The following LRP8 variants were observed in gnomAD, a reference collection of about 807,000 sequenced individuals.
LRP8 encodes low-density lipoprotein receptor-related protein 8.
In LRP8, 46 loss-of-function variants were observed where a neutral mutation model predicts 111.6. The ratio of observed to expected loss-of-function variants is 0.41; its 90% CI spans 0.33 to 0.53. The LOEUF (loss-of-function observed/expected upper bound fraction) is 0.53. LRP8 is among the 20% of genes least tolerant of loss of function. The pLI is 0.20. For missense variants in LRP8, 959 were observed against 1,297.4 expected (o/e 0.74, Z 4.01); for synonymous variants, 464 against 511.2 (o/e 0.91, Z 1.24).
intron 2 of LRP8, among the ~76,000 whole-genome samples, chr1:53,299,995 C>T (rs929930555): frequency 1.2e-4 from 19 of 152,248 alleles, no homozygotes. Flanking sequence ...TCCTGTGGCT[C>T]CAGGGGCTAC....
intron 16 of LRP8, among the ~76,000 whole-genome samples, chr1:53,253,264 T>C (rs2100347385): frequency 6.6e-6 from 1 of 152,312 alleles, no homozygotes; most frequent in South Asian, 2.1e-4. Flanking sequence ...AATCTGATAC[T>C]TAAAAGTTTC....
Position 53,258,508 on chromosome 1 carries a change from G to A in LRP8, c.2057-37C>T, listed in dbSNP as rs547939306. The A allele has an allele frequency of 7.1e-5, 114 of 1,600,374 alleles. No individual in the cohort carries two copies. The South Asian group carries it at 1.1e-3, about 15-fold the overall frequency. On this transcript the variant is annotated intron_variant, in intron 13 of 18. Transcript: ENST00000306052. The stretch of plus-strand genomic sequence containing the variant: ...GAGGGAGACAGCTGGGGCACAGACA[G>A]GACATGCCAGGTCTTCCTGCCTCCT...
chr1:53,316,748 G>C (rs1204381111), intron 2 of LRP8, among the ~76,000 whole-genome samples: 1 of 152,258 alleles, frequency 6.6e-6, no homozygotes, highest in Admixed American at 6.5e-5. Context: ...CTGCCAAATG[G>C]CCACTCGGCA....
chr1:53,289,117 C>T (rs750493693), intron 3 of LRP8, among the ~76,000 whole-genome samples: 2 of 152,226 alleles, frequency 1.3e-5, no homozygotes, highest in African/African-American at 2.4e-5. Context: ...TTCTCCGTTA[C>T]AAAACTCAGA....
At chr1:53,308,129 G>A (rs1178860693) in intron 2 of LRP8, among the ~76,000 whole-genome samples, 1 of 152,230 alleles carries the variant, frequency 6.6e-6, no homozygotes, top group Non-Finnish European at 1.5e-5. Context: ...ACTGCAGCGA[G>A]GCTTTCCTGA....
At chr1:53,324,699 C>T (rs1654922588) in intron 2 of LRP8, among the ~76,000 whole-genome samples, 1 of 152,202 alleles carries the variant, frequency 6.6e-6, no homozygotes, top group South Asian at 2.1e-4. Context: ...TCTTGGCCCA[C>T]CTGAGCGTCA....
intron 5 of LRP8, among the ~76,000 whole-genome samples, chr1:53,276,195 C>T (rs1350649744): frequency 6.6e-6 from 1 of 152,086 alleles, no homozygotes; most frequent in African/African-American, 2.4e-5. Context: ...TCCTCATCCT[C>T]TAGGAGCTCA....
chr1:53,255,891 T>C (rs915600205), intron 15 of LRP8, among the ~76,000 whole-genome samples: 1 of 152,196 alleles, frequency 6.6e-6, no homozygotes, highest in Non-Finnish European at 1.5e-5. Flanking sequence ...CTAAAATGAA[T>C]ATAAAATGCT....
Position 53,280,493 on chromosome 1 carries a change from C to T in LRP8, c.496+94G>A, listed in dbSNP as rs1288517. The T allele has an allele frequency of 1.7e-3, 2,590 of 1,515,570 alleles. 32 individuals are homozygous for T. The African/African-American group carries it at 0.031, about 18-fold the overall frequency. The allele number at this position is 1,515,570 out of a possible 1,614,324, so 93.9% of individuals were successfully genotyped here. A position where few individuals can be genotyped will look rare whatever the true frequency, so the allele number is the denominator to read the frequency against. On this transcript the variant is annotated intron_variant, in intron 4 of 18. Transcript: ENST00000306052. ...CTTTCCTCTCCACCACCAAGCCCCA[C>T]GGGGAACTGGGCCCCCTCCCCAGAA...
At chr1:53,248,950 T>C (rs1645809290) in intron 18 of LRP8, among the ~76,000 whole-genome samples, 1 of 152,172 alleles carries the variant, frequency 6.6e-6, no homozygotes, top group Non-Finnish European at 1.5e-5. Context: ...CAGAAAGAAG[T>C]GACTGAGATC....
intron 2 of LRP8, among the ~76,000 whole-genome samples, chr1:53,302,532 C>G (rs1488021174): frequency 3.3e-5 from 5 of 152,272 alleles, no homozygotes; most frequent in Admixed American, 3.3e-4. Flanking sequence ...TCCTTTTGTT[C>G]TGGGTTGTGG....
At chr1:53,318,145 G>T (rs1654046369) in intron 2 of LRP8, among the ~76,000 whole-genome samples, 1 of 152,200 alleles carries the variant, frequency 6.6e-6, no homozygotes, top group African/African-American at 2.4e-5. Context: ...CACACAGCAA[G>T]TTAGGGGCAT....
chr1:53,289,445 G>C, intron 3 of LRP8, 122 bp downstream of exon 3: 1 of 1,319,976 alleles, frequency 7.6e-7, no homozygotes, highest in Non-Finnish European at 1.0e-6. Context: ...TACCAGGAGC[G>C]CCCTGAGTGC....
chr1:53,309,564 G>T (rs1652617991), intron 2 of LRP8, among the ~76,000 whole-genome samples: 1 of 152,186 alleles, frequency 6.6e-6, no homozygotes. Flanking sequence ...GAAGGATCCA[G>T]AGAGCCACGG....
intron 18 of LRP8, among the ~76,000 whole-genome samples, chr1:53,247,664 A>G (rs10788950): frequency 0.74 from 111,992 of 152,120 alleles, 42,291 homozygotes; most frequent in African/African-American, 0.91. Context: ...TAACCCCTGA[A>G]CCAGTCTATT....
chr1:53,274,942 G>GGT, intron 6 of LRP8: 1 of 418,562 alleles, frequency 2.4e-6, no homozygotes, highest in Non-Finnish European at 4.9e-6. Context: ...CCTGGAGGGT[G>GGT]GCCCAGGACA....
intron 15 of LRP8, among the ~76,000 whole-genome samples, chr1:53,256,314 GTGTCCTCCCTGC>G (rs1486125488): frequency 1.3e-5 from 2 of 152,248 alleles, no homozygotes; most frequent in Admixed American, 1.3e-4. Flanking sequence ...AGAGCTAACT[GTGTCCTCCCTGC>G]TGTCCTCCCT....
chr1:53,326,745 C>G, intron 2 of LRP8, 128 bp downstream of exon 2: 9 of 1,429,840 alleles, frequency 6.3e-6, no homozygotes, highest in Non-Finnish European at 8.3e-6. Context: ...GTTTCCCGGT[C>G]GCAGGCTCCG....
chr1:53,265,598 T>C (rs1021556847), intron 9 of LRP8, among the ~76,000 whole-genome samples: 2 of 152,224 alleles, frequency 1.3e-5, no homozygotes, highest in African/African-American at 4.8e-5. Context: ...TTACATCTCT[T>C]GGACAGGCAT....
Sources: gnomAD v4.1 joint callset for allele counts (sites outside exome capture counted in the v4.1 genomes callset) on GRCh38, gnomAD v4.1.1 for gene constraint, MANE v1.5 for transcripts, NCBI Gene and HGNC (gene_info 2026-07-23, HGNC 2026-07-21) for gene names.